Variants in PRKG1 observed in about 807,000 individuals in gnomAD.
PRKG1 encodes the protein protein kinase cGMP-dependent 1.
Under a neutral mutation model 88.1 loss-of-function variants are expected in PRKG1, and 35 were observed. The ratio of observed to expected loss-of-function variants is 0.40; its 90% CI spans 0.30 to 0.53. PRKG1 has a LOEUF of 0.53. PRKG1 is among the 20% of genes least tolerant of loss of function. PRKG1 has a pLI of 0.59. For missense variants in PRKG1, 540 were observed against 839.8 expected (o/e 0.64, Z 4.41); for synonymous variants, 303 against 292.5 (o/e 1.04, Z -0.37).
chr10:52,169,166 A>G (rs1838587007), intron 9 of PRKG1, among the ~76,000 whole-genome samples: 1 of 152,142 alleles, frequency 6.6e-6, no homozygotes, highest in Non-Finnish European at 1.5e-5. Flanking sequence ...TGAGAAGGAG[A>G]GATGAAAGGT....
intron 5 of PRKG1, among the ~76,000 whole-genome samples, chr10:51,985,149 C>G (rs1395372666): frequency 2.6e-5 from 4 of 152,082 alleles, no homozygotes; most frequent in Non-Finnish European, 4.4e-5. Context: ...TTATTCCATG[C>G]CTTTTGTTAA....
At chr10:52,112,274 C>G (rs1847582246) in intron 7 of PRKG1, among the ~76,000 whole-genome samples, 1 of 152,134 alleles carries the variant, frequency 6.6e-6, no homozygotes, top group African/African-American at 2.4e-5. Flanking sequence ...GAATTTATAA[C>G]TTTTCTCTCT....
At chr10:52,059,435 T>C (rs1443258925) in intron 6 of PRKG1, among the ~76,000 whole-genome samples, 1 of 5,384 alleles carries the variant, frequency 1.9e-4, no homozygotes, top group African/African-American at 2.0e-4. Flanking sequence ...ATTCATTCAA[T>C]GAAAATATTA....
In PRKG1 at chr10:51,467,790, G is replaced by T. The variant is rs73336216; in HGVS notation, c.546G>T (p.Gly182=). 24 of 1,612,778 alleles carry T rather than the reference G, an allele frequency of 1.5e-5. No individual in the cohort carries two copies. Among genetic ancestry groups the T allele is most frequent in the Non-Finnish European group, 2.0e-5 (24 of 1,179,050 alleles). The change falls in exon 3 of 18, where the codon GGG becomes GGT. Residue 182 remains glycine, a synonymous_variant. Transcript: ENST00000373980. ...CCATGGGTCCAGGAAAAGTGTTTGG[G>T]GAATTGGCTATTCTTTACAACTGTA... ...LCTMGPGKVF[G]ELAILYNCTR...
chr10:51,873,971 C>T (rs979945447), intron 4 of PRKG1, among the ~76,000 whole-genome samples: 1 of 152,110 alleles, frequency 6.6e-6, no homozygotes, highest in Non-Finnish European at 1.5e-5. Flanking sequence ...ACTAAATTTA[C>T]CACCATTTTG....
chr10:51,393,424 C>A lies in PRKG1; in HGVS notation c.479-74299C>A, dbSNP rs970718023. ...TCCTCAACTCCCAGACGATGGGCGG[C>A]CAGGCAGAGACGCTCCTCACTTCCC... On this transcript the variant is annotated intron_variant, in intron 2 of 17. Transcript: ENST00000373980. 5.3e-5 allele frequency among the ~76,000 whole-genome samples: 8 copies of A among 152,004 alleles called. No homozygotes were observed. The East Asian group carries it at 1.5e-3, about 29-fold the overall frequency.
rs578027552 is a variant in PRKG1 at position 52,186,184 on chromosome 10, T to C, written c.1076+24221T>C. Among the ~76,000 whole-genome samples, 3 of 152,314 alleles carry C rather than the reference T, an allele frequency of 2.0e-5. No individual in the cohort carries two copies. In the East Asian group the frequency reaches 5.8e-4, roughly 29 times the overall value. Reference sequence around the variant, plus strand: ...GCAGGCTGTACAAGAAGCATAGTGCTGGCACCTGCTTCTGGTGAGAGCCTT... The same window carrying C: ...GCAGGCTGTACAAGAAGCATAGTGCCGGCACCTGCTTCTGGTGAGAGCCTT... On this transcript the variant is annotated intron_variant, in intron 9 of 17. Transcript: ENST00000373980.
In PRKG1 at chr10:51,460,824, C is replaced by T. The variant is rs993465940; in HGVS notation, c.479-6899C>T. On this transcript the variant is annotated intron_variant, in intron 2 of 17. Coordinates refer to ENST00000373980, the MANE Select transcript of PRKG1 (RefSeq NM_006258.4). ...CAGAATTGCTGCAATATAAGTTTCTCATTCCAGACTTTCATTCTGATGGTT... is the reference window on the plus strand; with the variant it reads ...CAGAATTGCTGCAATATAAGTTTCTTATTCCAGACTTTCATTCTGATGGTT... Among the ~76,000 whole-genome samples, 3 of 152,164 alleles carry T rather than the reference C, an allele frequency of 2.0e-5. No individual in the cohort carries two copies. In the South Asian group the frequency reaches 6.2e-4, roughly 31 times the overall value.
chr10:51,915,943 A>G (rs545757545), intron 5 of PRKG1, among the ~76,000 whole-genome samples: 7 of 152,212 alleles, frequency 4.6e-5, no homozygotes, highest in Non-Finnish European at 1.0e-4. Flanking sequence ...ATAAAACATA[A>G]TAGACAATAA....
At chr10:52,117,901 G>GGTTTTTTA (rs1481999252) in intron 7 of PRKG1, among the ~76,000 whole-genome samples, 2 of 151,176 alleles carry the variant, frequency 1.3e-5, no homozygotes, top group Non-Finnish European at 3.0e-5. Flanking sequence ...TACATATAGG[G>GGTTTTTTA]GTTTTTTAGT....
intron 2 of PRKG1, among the ~76,000 whole-genome samples, chr10:51,407,517 G>A (rs988267487): frequency 3.9e-5 from 6 of 152,156 alleles, no homozygotes; most frequent in African/African-American, 1.4e-4. Context: ...AACAAAAGGA[G>A]GAAATACTCA....
At chr10:52,132,118 A>T (rs1837282936) in intron 7 of PRKG1, among the ~76,000 whole-genome samples, 1 of 152,112 alleles carries the variant, frequency 6.6e-6, no homozygotes, top group African/African-American at 2.4e-5. Context: ...GAAATTATGA[A>T]ATTGTATTTA....
chr10:51,145,924 T>G (rs1845935991), intron 1 of PRKG1, among the ~76,000 whole-genome samples: 1 of 152,140 alleles, frequency 6.6e-6, no homozygotes, highest in Non-Finnish European at 1.5e-5. Flanking sequence ...CAGTGTAAAC[T>G]TTGGGAGGCT....
intron 2 of PRKG1, among the ~76,000 whole-genome samples, chr10:51,422,203 G>A (rs1838435649): frequency 6.6e-6 from 1 of 152,180 alleles, no homozygotes; most frequent in African/African-American, 2.4e-5. Context: ...AGTTGTGCTT[G>A]ATGTTCAGGC....
At chr10:51,625,746 A>T (rs1839320853) in intron 3 of PRKG1, among the ~76,000 whole-genome samples, 1 of 152,118 alleles carries the variant, frequency 6.6e-6, no homozygotes. Context: ...AGAATATATG[A>T]ATTAACTTTT....
At chr10:51,293,344 T>G (rs1447062027) in intron 2 of PRKG1, among the ~76,000 whole-genome samples, 1 of 152,124 alleles carries the variant, frequency 6.6e-6, no homozygotes, top group Non-Finnish European at 1.5e-5. Context: ...ATAACTAAAA[T>G]TTTGTATGCC....
chr10:52,257,972 A>G lies in PRKG1; in HGVS notation c.1173+6306A>G. 1.4e-5 allele frequency among the ~76,000 whole-genome samples: 2 copies of G among 139,592 alleles called. 1 individual carries two copies. Among genetic ancestry groups the G allele is most frequent in the Non-Finnish European group, 3.2e-5 (2 of 61,854 alleles). 91.6% of individuals were successfully genotyped at this position (139,592 alleles called of 152,430 possible). On this transcript the variant is annotated intron_variant, in intron 10 of 17. Coordinates refer to ENST00000373980, the MANE Select transcript of PRKG1 (RefSeq NM_006258.4). ...TACTTTGGTATATGCAAATAAAGTA[A>G]GATAAGCATTACTTCATCTCATTAT...
chr10:51,368,660 C>A (rs189297880), intron 2 of PRKG1, among the ~76,000 whole-genome samples: 43 of 152,120 alleles, frequency 2.8e-4, no homozygotes, highest in Non-Finnish European at 5.6e-4. Flanking sequence ...TTACTATGAA[C>A]AATAGATTTA....
chr10:51,791,006 A>C (rs1838856750), intron 3 of PRKG1, among the ~76,000 whole-genome samples: 1 of 152,126 alleles, frequency 6.6e-6, no homozygotes. Context: ...TTTTGTCTCT[A>C]AATTGAATCT....
Sources: gnomAD v4.1 joint callset for allele counts (sites outside exome capture counted in the v4.1 genomes callset) on GRCh38, gnomAD v4.1.1 for gene constraint, MANE v1.5 for transcripts, NCBI Gene and HGNC (gene_info 2026-07-23, HGNC 2026-07-21) for gene names.